NDE1: variants seen among roughly 807,000 people sequenced by gnomAD.
The protein encoded by NDE1 is nuclear distribution protein nudE homolog 1.
Under a neutral mutation model 43.4 loss-of-function variants are expected in NDE1, and 28 were observed. The ratio of observed to expected loss-of-function variants is 0.65; its 90% CI spans 0.48 to 0.89. The LOEUF (loss-of-function observed/expected upper bound fraction) is 0.89. Among genes scored for constraint, NDE1 ranks in the 40% least tolerant of loss-of-function variants. The pLI, the probability that NDE1 is intolerant of heterozygous loss-of-function variation, is 0.00. For missense variants in NDE1, 441 were observed against 434.1 expected, an observed-to-expected ratio of 1.02 and a Z score of -0.14; for synonymous variants, 184 against 172.0, an observed-to-expected ratio of 1.07 and a Z score of -0.55.
chr16:15,651,870 C>T (rs1333690388), intron 1 of NDE1: 2 of 152,094 alleles, frequency 1.3e-5, no homozygotes, highest in Non-Finnish European at 2.9e-5. Flanking sequence ...AGTTTATTAA[C>T]TTGACTTATT....
Position 15,720,204 on chromosome 16 carries a change from C to T in NDE1, c.948-3987C>T, listed in dbSNP as rs549820613. 52 of 1,614,118 alleles carry T rather than the reference C, an allele frequency of 3.2e-5. No homozygotes were observed. The highest frequency in any genetic ancestry group is 1.6e-4 in the East Asian group (7 of 44,874). On this transcript the variant is annotated intron_variant, in intron 8 of 8. Transcript: ENST00000396354. ...TCCTCCCTCCCCTTGATGGCAGAGT[C>T]GGCCTGAAGCTCCAGGTCTTTCAGG... is the stretch of plus-strand genomic sequence containing the variant.
intron 3 of NDE1, among the ~76,000 whole-genome samples, chr16:15,671,033 G>T (rs566393357): frequency 6.6e-6 from 1 of 152,252 alleles, no homozygotes; most frequent in African/African-American, 2.4e-5. Context: ...GCCTTCAGGG[G>T]TTTTTGTTCA....
intron 7 of NDE1, chr16:15,695,785 C>A: frequency 1.2e-6 from 1 of 856,354 alleles, no homozygotes; most frequent in Non-Finnish European, 1.4e-6. Context: ...AGCAGGTCTG[C>A]ATTTCAGTAT....
chr16:15,661,784 C>T (rs1337697322), intron 1 of NDE1, among the ~76,000 whole-genome samples: 4 of 151,988 alleles, frequency 2.6e-5, no homozygotes, highest in Non-Finnish European at 4.4e-5. Flanking sequence ...GGGATGGTGG[C>T]GGCACCCAAT....
chr16:15,675,683 C>T (rs1358156637), intron 3 of NDE1, among the ~76,000 whole-genome samples: 2 of 152,070 alleles, frequency 1.3e-5, no homozygotes, highest in Admixed American at 1.3e-4. Context: ...CCTCTGCCAC[C>T]TGAAAGTGCT....
chr16:15,707,489 G>A (rs995128553), intron 8 of NDE1, among the ~76,000 whole-genome samples: 1 of 152,176 alleles, frequency 6.6e-6, no homozygotes. Context: ...ATCCCAATCA[G>A]CTGGTAGGAG....
rs759308680 is a variant in NDE1, at chr16:15,720,134, C to G, written c.948-4057C>G. 7 of 1,614,144 alleles carry G rather than the reference C, an allele frequency of 4.3e-6. No individual in the cohort carries two copies. The highest frequency in any genetic ancestry group is 5.9e-6 in the Non-Finnish European group (7 of 1,180,030). ...GCCCTCCCTCCACCCATGCCCCAAGCTCCTAGTGTCACCCACCTGCAGTTT... is the reference window on the plus strand; with the variant it reads ...GCCCTCCCTCCACCCATGCCCCAAGGTCCTAGTGTCACCCACCTGCAGTTT... On this transcript the variant is annotated intron_variant, in intron 8 of 8. Transcript: ENST00000396354.
intron 7 of NDE1, chr16:15,694,470 C>T (rs1291934506): frequency 3.0e-6 from 4 of 1,329,386 alleles, no homozygotes; most frequent in Non-Finnish European, 4.1e-6. Context: ...CTTAGCTTCC[C>T]GAGGAGCTTG....
In NDE1 at chr16:15,687,199, G is replaced by A. The variant is rs767381488; in HGVS notation, c.387-176G>A. 1.3e-6 allele frequency: 2 copies of A among 1,520,062 alleles called. 1 individual carries two copies. The highest frequency in any genetic ancestry group is 2.4e-5 in the South Asian group (2 of 83,426). The allele number at this position is 1,520,062 out of a possible 1,614,324, so 94.2% of individuals were successfully genotyped here. On this transcript the variant is annotated intron_variant, in intron 4 of 8. Transcript: ENST00000396354. ...AGCTATGATGAGTCCCATTCTGCAG[G>A]TAAAGAGCCCATGCCCCAGAAGGTT...
intron 1 of NDE1, among the ~76,000 whole-genome samples, chr16:15,651,109 T>TG (rs978915711): frequency 4.6e-5 from 7 of 152,188 alleles, no homozygotes; most frequent in Non-Finnish European, 8.8e-5. Context: ...GAGGCGACTT[T>TG]ATCTTCTCCG....
intron 1 of NDE1, among the ~76,000 whole-genome samples, chr16:15,658,220 A>T (rs893698700): frequency 3.3e-5 from 5 of 152,122 alleles, no homozygotes; most frequent in South Asian, 2.1e-4. Context: ...GGCTTACCTT[A>T]CCAACCCTAG....
At chr16:15,673,467 G>A (rs1441748681) in intron 3 of NDE1, among the ~76,000 whole-genome samples, 2 of 151,920 alleles carry the variant, frequency 1.3e-5, no homozygotes, top group African/African-American at 4.8e-5. Context: ...GGCCTCCCAA[G>A]TAGCTGGAAC....
chr16:15,678,212 G>A (rs1430333570), intron 4 of NDE1, among the ~76,000 whole-genome samples: 2 of 152,132 alleles, frequency 1.3e-5, no homozygotes, highest in African/African-American at 2.4e-5. Flanking sequence ...GCCTGGGAGC[G>A]TCAGGCGAGC....
At chr16:15,699,584 C>G (rs918298644) in intron 8 of NDE1, 9 of 1,201,186 alleles carry the variant, frequency 7.5e-6, no homozygotes, top group Non-Finnish European at 7.4e-6. Flanking sequence ...GTGTCCTCTT[C>G]TTCATTTCAC....
chr16:15,719,380 C>T (rs1220775280), intron 8 of NDE1: 2 of 1,535,232 alleles, frequency 1.3e-6, no homozygotes, highest in South Asian at 1.1e-5. Context: ...ACCCTGACAA[C>T]TCAGCCACCC....
At chr16:15,692,328 C>T (rs916972829) in intron 6 of NDE1, among the ~76,000 whole-genome samples, 3 of 152,206 alleles carry the variant, frequency 2.0e-5, no homozygotes, top group African/African-American at 4.8e-5. Flanking sequence ...AGGGCTTACC[C>T]TACCATCTAC....
In NDE1 at chr16:15,704,047, C is replaced by T. The variant is rs2039321637; in HGVS notation, c.947+7187C>T. On this transcript the variant is annotated intron_variant, in intron 8 of 8. Coordinates refer to ENST00000396354, the MANE Select transcript of NDE1 (RefSeq NM_017668.3). ...GCGTCTCGAGTGTCCGTTTCCTCCT[C>T]AGAACCATCTGCATTTTCAATAACT... is the stretch of plus-strand genomic sequence containing the variant. The T allele has an allele frequency of 1.2e-6, 2 of 1,613,990 alleles. No individual in the cohort carries two copies. The highest frequency in any genetic ancestry group is 1.3e-5 in the African/African-American group (1 of 74,870).
chr16:15,718,635 G>T, intron 8 of NDE1: 1 of 766,390 alleles, frequency 1.3e-6, no homozygotes, highest in South Asian at 1.9e-5. Flanking sequence ...GTCCGTGTCA[G>T]CAAAGCTGGG....
rs771625605 is a variant in NDE1, at chr16:15,719,234, A to G, written c.948-4957A>G. On this transcript the variant is annotated intron_variant, in intron 8 of 8. Transcript: ENST00000396354. ...CAGTTTCCTACCTTCCCGACAGGCT[A>G]CTGGCCAGCTCCTCTGCCAGTTCCT... is the stretch of plus-strand genomic sequence containing the variant. The G allele has an allele frequency of 1.9e-6, 3 of 1,613,608 alleles. No individual in the cohort carries two copies. Among genetic ancestry groups the G allele is most frequent in the Non-Finnish European group, 2.5e-6 (3 of 1,179,980 alleles).
Sources: allele counts gnomAD v4.1 joint callset (sites outside exome capture counted in the v4.1 genomes callset), GRCh38; gene constraint gnomAD v4.1.1; transcripts MANE v1.5; gene names NCBI Gene and HGNC (gene_info 2026-07-23, HGNC 2026-07-21).